Variants in ZNF707 observed in about 807,000 individuals in gnomAD.
The protein encoded by ZNF707 is zinc finger protein 707.
Under a neutral mutation model 13.3 loss-of-function variants are expected in ZNF707, and 8 were observed. The observed-to-expected ratio is 0.60, with a 90% CI of 0.35 to 1.09. The LOEUF is 1.09. ZNF707 is among the 50% of genes least tolerant of loss of function. The probability of loss-of-function intolerance (pLI) is 0.02; values close to 1 mark genes in which losing one functional copy is unlikely to be tolerated. For synonymous variants in ZNF707, 225 were observed against 205.6 expected, an observed-to-expected ratio of 1.09 and a Z score of -0.81; for missense variants, 530 against 512.6, an observed-to-expected ratio of 1.03 and a Z score of -0.33.
chr8:143,691,100 AT>A lies in ZNF707; in HGVS notation c.44del (p.Ile15ThrfsTer22). The A allele has an allele frequency of 6.2e-7, 1 of 1,613,902 alleles. No individual in the cohort carries two copies. Among genetic ancestry groups the A allele is most frequent in the African/African-American group, 1.3e-5 (1 of 75,054 alleles). On this transcript the variant is annotated frameshift_variant, in exon 4 of 6. Coordinates refer to ENST00000358656, the MANE Select transcript of ZNF707 (RefSeq NM_001100598.2). LOFTEE classifies it high-confidence loss of function. ...GCCAGTGACCTTCAGGGACGTGGCC[AT>A]CTACTTCTCAAGGGAGGAGTGGGCG... ...QEPVTFRDVA[I>X]YFSREEWACL...
In ZNF707 at chr8:143,691,064, G is replaced by A. The variant is rs1554613428; in HGVS notation, c.16-9G>A. 3 of 1,613,838 alleles carry A rather than the reference G, an allele frequency of 1.9e-6. No homozygotes were observed. Among genetic ancestry groups the A allele is most frequent in the South Asian group, 2.2e-5 (2 of 91,078 alleles). ...GGAATGGCCTCTTCGGGAGCTGTGT[G>A]TGTTGCAGGAGCCAGTGACCTTCAG... On this transcript the variant is annotated splice_polypyrimidine_tract_variant and intron_variant, in intron 3 of 5. Coordinates refer to ENST00000358656, the MANE Select transcript of ZNF707 (RefSeq NM_001100598.2).
In ZNF707 at chr8:143,693,798, G is replaced by C. The variant is rs782076032; in HGVS notation, c.384G>C (p.Thr128=). 1 of 1,612,922 alleles carries C rather than the reference G, an allele frequency of 6.2e-7. No homozygotes were observed. The highest frequency in any genetic ancestry group is 1.3e-5 in the African/African-American group (1 of 75,060). The stretch of plus-strand genomic sequence containing the variant: ...TTAGGAAGGGCTTCAGGCTGGACAC[G>C]GATGACGGGCAGCTTCCCAGAGCTG... The part of the protein sequence containing the change: ...SSFRKGFRLD[T]DDGQLPRAAP... The change falls in exon 6 of 6, where the codon ACG becomes ACC. Residue 128 remains threonine, a synonymous_variant. Coordinates refer to ENST00000358656, the MANE Select transcript of ZNF707 (RefSeq NM_001100598.2). This position sits in a 1 kb window ranked among gnomAD's most constrained non-coding sequence, Gnocchi z 4.1.
At position 143,694,729 on chromosome 8, in the gene ZNF707, G is replaced by A. The variant is rs544262330; in HGVS notation, c.*199G>A. On this transcript the variant is annotated 3_prime_UTR_variant, in exon 6 of 6. Coordinates refer to ENST00000358656, the MANE Select transcript of ZNF707 (RefSeq NM_001100598.2). This position sits in a 1 kb window ranked among gnomAD's most constrained non-coding sequence, Gnocchi z 4.4. ...GAGAAGCAGAGCCATGGGTACGCCG[G>A]AGATGGCGGGGGCTCTGGAGATGGC... 1.3e-5 allele frequency: 8 copies of A among 609,384 alleles called. No individual in the cohort carries two copies. The highest frequency in any genetic ancestry group is 3.4e-5 in the Admixed American group (1 of 29,464). 37.7% of individuals were successfully genotyped at this position (609,384 alleles called of 1,614,324 possible).
chr8:143,691,779 T>G (rs117266255), intron 5 of ZNF707, 66 bp downstream of exon 5: 41,085 of 1,376,780 alleles, frequency 0.03, 804 homozygotes, highest in Non-Finnish European at 0.037. Context: ...TGGGTAGTGC[T>G]CAGCACGCTG....
chr8:143,692,186 G>A, intron 5 of ZNF707: 2 of 1,292,554 alleles, frequency 1.5e-6, no homozygotes, highest in Admixed American at 2.3e-5. Context: ...CCTCCATTAG[G>A]TGAGGGTTGC....
chr8:143,685,913 C>G (rs1204560009), intron 1 of ZNF707, among the ~76,000 whole-genome samples: 2 of 152,170 alleles, frequency 1.3e-5, no homozygotes, highest in Non-Finnish European at 2.9e-5. Context: ...CTTCTGTTCT[C>G]CCGTATTAAA....
At chr8:143,686,015 ACT>A (rs1816228728) in intron 1 of ZNF707, among the ~76,000 whole-genome samples, 1 of 151,482 alleles carries the variant, frequency 6.6e-6, no homozygotes, top group South Asian at 2.1e-4. Context: ...GTTCTCCCTG[ACT>A]CTGCTTTCCA....
In ZNF707 at chr8:143,694,348, G is replaced by A. The variant is rs1261737771; in HGVS notation, c.934G>A (p.Gly312Arg). The stretch of plus-strand genomic sequence containing the variant: ...CAGCCACCACCAGAGGGTCCACAGC[G>A]GGGAGAAGCCCTACACCTGTGCCGA... Reference protein sequence around the residue: ...NLSHHQRVHSGEKPYTCAECG... With the variant: ...NLSHHQRVHSREKPYTCAECG... Residue 312 changes from glycine to arginine, a missense_variant, in exon 6 of 6, where the codon GGG (glycine) becomes AGG (arginine). Gly to Arg is a moderately radical substitution (Grantham distance 125). Coordinates refer to ENST00000358656, the MANE Select transcript of ZNF707 (RefSeq NM_001100598.2). This position sits in a 1 kb window ranked among gnomAD's most constrained non-coding sequence, Gnocchi z 4.4. 9 of 1,609,750 alleles carry A rather than the reference G, an allele frequency of 5.6e-6. No individual in the cohort carries two copies. The highest frequency in any genetic ancestry group is 4.5e-5 in the East Asian group (2 of 44,726).
chr8:143,692,839 G>A (rs1423217226), intron 5 of ZNF707, among the ~76,000 whole-genome samples: 4 of 114,102 alleles, frequency 3.5e-5, no homozygotes, highest in East Asian at 5.8e-4. Context: ...GGGAGGTGTC[G>A]CATCCCCGGG....
rs1817139453 is a variant in ZNF707, at chr8:143,694,339, G to T, written c.925G>T (p.Val309Phe). 2 of 1,608,126 alleles carry T rather than the reference G, an allele frequency of 1.2e-6. No individual in the cohort carries two copies. The highest frequency in any genetic ancestry group is 1.1e-5 in the South Asian group (1 of 90,842). The stretch of plus-strand genomic sequence containing the variant: ...GGAGAACCTCAGCCACCACCAGAGG[G>T]TCCACAGCGGGGAGAAGCCCTACAC... ...TKENLSHHQR[V>F]HSGEKPYTCA... is the part of the protein sequence containing the mutation. Residue 309 changes from valine (V) to phenylalanine (F), a missense_variant, in exon 6 of 6, where the codon GTC (valine) becomes TTC (phenylalanine). Val to Phe is a conservative substitution (Grantham distance 50). Coordinates refer to ENST00000358656, the MANE Select transcript of ZNF707 (RefSeq NM_001100598.2). This position sits in a 1 kb window ranked among gnomAD's most constrained non-coding sequence, Gnocchi z 4.4.
chr8:143,693,063 G>A lies in ZNF707; in HGVS notation c.257-608G>A, dbSNP rs1483055403. Among the ~76,000 whole-genome samples, 2 of 152,156 alleles carry A rather than the reference G, an allele frequency of 1.3e-5. No individual in the cohort carries two copies. Among genetic ancestry groups the A allele is most frequent in the African/African-American group, 4.8e-5 (2 of 41,434 alleles). On this transcript the variant is annotated intron_variant, in intron 5 of 5. Coordinates refer to ENST00000358656, the MANE Select transcript of ZNF707 (RefSeq NM_001100598.2). The surrounding 1 kb of genome is among the most constrained non-coding windows in gnomAD (Gnocchi z 4.1). Reference sequence around the variant, plus strand: ...TCTCTTGGCCCAGTTGCTTCTGTTGGTTGGCAGGCATGTGTCGGCTCTCCC... The same window carrying A: ...TCTCTTGGCCCAGTTGCTTCTGTTGATTGGCAGGCATGTGTCGGCTCTCCC...
In ZNF707 at chr8:143,694,378, G is replaced by T; in HGVS notation, c.964G>T (p.Gly322Cys). Residue 322 changes from glycine (G) to cysteine (C), a missense_variant, in exon 6 of 6, where the codon GGC becomes TGC. Physicochemically the swap from Gly to Cys is radical, Grantham distance 159 (BLOSUM62 -3). Transcript: ENST00000358656. This position sits in a 1 kb window ranked among gnomAD's most constrained non-coding sequence, Gnocchi z 4.4. ...GAAGCCCTACACCTGTGCCGAGTGC[G>T]GCAAGTCCTTCCGGTGGCCCAAGGG... Reference protein sequence around the residue: ...GEKPYTCAECGKSFRWPKGFS... With the variant: ...GEKPYTCAECCKSFRWPKGFS... 6.2e-7 allele frequency: 1 copy of T among 1,612,202 alleles called. No homozygotes were observed. Among genetic ancestry groups the T allele is most frequent in the Non-Finnish European group, 8.5e-7 (1 of 1,179,518 alleles).
rs782152278 is a variant in ZNF707 at position 143,694,509 on chromosome 8, TCA to T, written c.1098_1099del (p.His366GlnfsTer95). ...GGTTCTTCACGCGGCATCAGAGGACTCACAGGCACGGGGAGGTGTAGGGGCGC... is the reference window on the plus strand; with the variant it reads ...GGTTCTTCACGCGGCATCAGAGGACTCAGGCACGGGGAGGTGTAGGGGCGC... ...LGFFTRHQRT[H>X]RHGEV On this transcript the variant is annotated frameshift_variant, in exon 6 of 6. Coordinates refer to ENST00000358656, the MANE Select transcript of ZNF707 (RefSeq NM_001100598.2). LOFTEE classifies it high-confidence loss of function. This position sits in a 1 kb window ranked among gnomAD's most constrained non-coding sequence, Gnocchi z 4.4. 2.1e-5 allele frequency: 33 copies of T among 1,604,592 alleles called. No individual in the cohort carries two copies. In the East Asian group the frequency reaches 6.1e-4, roughly 29 times the overall value.
intron 3 of ZNF707, chr8:143,690,825 T>G: frequency 3.8e-6 from 2 of 525,070 alleles, no homozygotes; most frequent in South Asian, 3.1e-5. Flanking sequence ...CTCTCTGGAG[T>G]CTCCTGTGAG....
At chr8:143,692,294 A>ATGTGGAGTCCCCGAC (rs1554613859) in intron 5 of ZNF707, 2 of 1,289,506 alleles carry the variant, frequency 1.6e-6, no homozygotes, top group Non-Finnish European at 2.0e-6. Flanking sequence ...GTCCCCGGGT[A>ATGTGGAGTCCCCGAC]TGTGGAGTCC....
intron 5 of ZNF707, 190 bp downstream of exon 5, chr8:143,691,903 C>T (rs1297951803): frequency 2.9e-6 from 3 of 1,052,526 alleles, no homozygotes; most frequent in African/African-American, 3.1e-5. Context: ...TGGACACTGG[C>T]CGGGGGTGGG....
rs531435183 is a variant in ZNF707 at position 143,694,806 on chromosome 8, C to T, written c.*276C>T. The T allele has an allele frequency of 1.5e-4, 60 of 398,792 alleles. No individual in the cohort carries two copies. Among genetic ancestry groups the T allele is most frequent in the African/African-American group, 9.6e-4 (47 of 48,814 alleles). The allele number at this position is 398,792 out of a possible 1,614,324, so 24.7% of individuals were successfully genotyped here. A position where few individuals can be genotyped will look rare whatever the true frequency, so the allele number is the denominator to read the frequency against. ...CCTGGGGATGTGCTGAGAGTGTGCG[C>T]GACCCCGGAGCCACGTGCCAGGCCG... On this transcript the variant is annotated 3_prime_UTR_variant, in exon 6 of 6. Coordinates refer to ENST00000358656, the MANE Select transcript of ZNF707 (RefSeq NM_001100598.2). The surrounding 1 kb of genome is among the most constrained non-coding windows in gnomAD (Gnocchi z 4.4).
In ZNF707 at chr8:143,693,823, G is replaced by T; in HGVS notation, c.409G>T (p.Ala137Ser). 2 of 1,612,692 alleles carry T rather than the reference G, an allele frequency of 1.2e-6. No homozygotes were observed. Among genetic ancestry groups the T allele is most frequent in the Non-Finnish European group, 1.7e-6 (2 of 1,179,812 alleles). The stretch of plus-strand genomic sequence containing the variant: ...GGATGACGGGCAGCTTCCCAGAGCT[G>T]CTCCAGAAAGGACAGACGCCAAGCC... ...DTDDGQLPRA[A>S]PERTDAKPTA... Residue 137 changes from alanine (A) to serine (S), a missense_variant, in exon 6 of 6, where the codon GCT (alanine) becomes TCT (serine). Physicochemically the swap from Ala to Ser is moderately conservative, Grantham distance 99. Transcript: ENST00000358656. The surrounding 1 kb of genome is among the most constrained non-coding windows in gnomAD (Gnocchi z 4.1).
chr8:143,691,402 C>A, intron 4 of ZNF707, 198 bp from the exon 5 acceptor site: 1 of 1,094,700 alleles, frequency 9.1e-7, no homozygotes. Flanking sequence ...ATCTTCCTTC[C>A]TCTGACCTTG....
Sources: gnomAD v4.1 joint callset for allele counts (sites outside exome capture counted in the v4.1 genomes callset) on GRCh38, gnomAD v4.1.1 for gene constraint, Gnocchi (gnomAD v3.1) non-coding constraint, MANE v1.5 for transcripts, NCBI Gene and HGNC (gene_info 2026-07-23, HGNC 2026-07-21) for gene names.